SH3BGRL: variants seen among roughly 807,000 people sequenced by gnomAD.
The protein encoded by SH3BGRL is SH3 domain binding glutamate rich protein like.
SH3BGRL carries 7 observed loss-of-function variants against 9.8 expected under a neutral mutation model. The ratio of observed to expected loss-of-function variants is 0.72; its 90% CI spans 0.41 to 1.35. The LOEUF (loss-of-function observed/expected upper bound fraction) is 1.35, where lower values mean the gene tolerates loss of function less well. Among genes scored for constraint, SH3BGRL ranks in the 40% most tolerant of loss-of-function variants. The probability of loss-of-function intolerance (pLI) is 0.01; values close to 1 mark genes in which losing one functional copy is unlikely to be tolerated. For synonymous variants in SH3BGRL, 36 were observed against 29.1 expected (o/e 1.24, Z -0.76); for missense variants, 73 against 84.4 (o/e 0.86, Z 0.53).
At chrX:81,251,191 T>C (rs1413742536) in intron 1 of SH3BGRL, among the ~76,000 whole-genome samples, 1 of 112,274 alleles carries the variant, frequency 8.9e-6, no homozygotes. Flanking sequence ...AAATATATTT[T>C]GGATTTCAGT....
intron 1 of SH3BGRL, among the ~76,000 whole-genome samples, chrX:81,243,898 G>T (rs1203134560): frequency 9.0e-6 from 1 of 110,924 alleles, no homozygotes; most frequent in Admixed American, 9.6e-5. Context: ...TGTCTAATAG[G>T]TCAAATAGTC....
At chrX:81,215,090 A>G (rs945942352) in intron 1 of SH3BGRL, among the ~76,000 whole-genome samples, 2 of 110,816 alleles carry the variant, frequency 1.8e-5, no homozygotes, top group Non-Finnish European at 3.8e-5. Flanking sequence ...AAGATAAAGA[A>G]AGGAAAATGG....
At position 81,263,091 on chromosome X, in the gene SH3BGRL, G is replaced by GA. The variant is rs752216547; in HGVS notation, c.46-13892dup. Among the ~76,000 whole-genome samples the GA allele has an allele frequency of 7.4e-3, 830 of 111,569 alleles. 6 individuals carry two copies. The highest frequency in any genetic ancestry group is 0.011 in the Non-Finnish European group (603 of 53,041). ...TGGAGTGGCCACAGAGAACTTCACA[G>GA]AGTAGACCTGGAAGAATAGATTAGA... is the stretch of plus-strand genomic sequence containing the variant. On this transcript the variant is annotated intron_variant, in intron 1 of 3. Transcript: ENST00000373212.
rs2075880977 is a variant in SH3BGRL at position 81,297,882 on chromosome X, C to A, written c.*655C>A. ...CACGCACAAAAGCAATAGATTCATT[C>A]AGTGGACAAGTTCCTTGTTTAACTA... On this transcript the variant is annotated 3_prime_UTR_variant, in exon 4 of 4. Transcript: ENST00000373212. 9.0e-6 allele frequency: 1 copy of A among 111,663 alleles called. No individual in the cohort carries two copies. Among genetic ancestry groups the A allele is most frequent in the South Asian group, 3.7e-4 (1 of 2,698 alleles). 9.2% of individuals were successfully genotyped at this position (111,663 alleles called of 1,213,427 possible).
intron 1 of SH3BGRL, among the ~76,000 whole-genome samples, chrX:81,241,935 G>C (rs2075671404): frequency 8.9e-6 from 1 of 112,447 alleles, no homozygotes; most frequent in South Asian, 3.7e-4. Context: ...ATGCCTGGCT[G>C]GGCGCAGTGT....
In SH3BGRL at chrX:81,277,164, C is replaced by T. The variant is rs753066745; in HGVS notation, c.226C>T (p.Arg76Cys). The T allele has an allele frequency of 9.2e-6, 11 of 1,201,666 alleles. No individual in the cohort carries two copies. The highest frequency in any genetic ancestry group is 2.2e-5 in the Admixed American group (1 of 44,745). ...TCAGATTTTCAATGAAAGCCAGTAT[C>T]GCGGGGTAAGAAAACAATTTAAATT... ...PPQIFNESQY[R>C]GDYDAFFEAR... Residue 76 changes from arginine to cysteine, a missense_variant, in exon 2 of 4, where the codon CGC (arginine) becomes TGC (cysteine). Physicochemically the swap from Arg to Cys is radical, Grantham distance 180. Transcript: ENST00000373212.
intron 1 of SH3BGRL, among the ~76,000 whole-genome samples, chrX:81,241,336 T>C (rs1197471765): frequency 9.0e-6 from 1 of 111,454 alleles, no homozygotes; most frequent in Non-Finnish European, 1.9e-5. Flanking sequence ...GTCTCCGGGG[T>C]GGAAAGGGGT....
intron 1 of SH3BGRL, among the ~76,000 whole-genome samples, chrX:81,225,246 T>C (rs1367305062): frequency 9.0e-6 from 1 of 111,192 alleles, no homozygotes; most frequent in Non-Finnish European, 1.9e-5. Context: ...GGAATAACTG[T>C]TTTAGCATAG....
At position 81,269,379 on chromosome X, in the gene SH3BGRL, A is replaced by G. The variant is rs1342901691; in HGVS notation, c.46-7605A>G. 4.5e-5 allele frequency among the ~76,000 whole-genome samples: 5 copies of G among 111,551 alleles called. 1 individual carries two copies. The highest frequency in any genetic ancestry group is 3.8e-4 in the Admixed American group (4 of 10,517). ...CCAGTTGCTCCTTTCCAAGTTTAGT[A>G]ATTCCTTCAGGAGCTCTTTTAGGGC... On this transcript the variant is annotated intron_variant, in intron 1 of 3. Transcript: ENST00000373212.
At chrX:81,247,217 G>T (rs1251394082) in intron 1 of SH3BGRL, among the ~76,000 whole-genome samples, 2 of 111,984 alleles carry the variant, frequency 1.8e-5, no homozygotes, top group Non-Finnish European at 3.8e-5. Flanking sequence ...CTGGAAGAGT[G>T]TTTAGGGTTT....
chrX:81,280,727 G>C (rs2075814072), intron 3 of SH3BGRL, among the ~76,000 whole-genome samples: 1 of 111,653 alleles, frequency 9.0e-6, no homozygotes, highest in African/African-American at 3.3e-5. Flanking sequence ...GAAGGAACCA[G>C]AAAACCAACA....
At chrX:81,207,384 C>T (rs1341474969) in intron 1 of SH3BGRL, among the ~76,000 whole-genome samples, 1 of 112,124 alleles carries the variant, frequency 8.9e-6, no homozygotes, top group African/African-American at 3.2e-5. Flanking sequence ...TAATTTTTCT[C>T]TATGGTTGTA....
At chrX:81,233,589 T>C (rs1281858044) in intron 1 of SH3BGRL, among the ~76,000 whole-genome samples, 4 of 110,384 alleles carry the variant, frequency 3.6e-5, no homozygotes, top group Non-Finnish European at 7.6e-5. Flanking sequence ...GAAAAATAAG[T>C]AGGAGAAAAG....
chrX:81,251,470 G>A (rs1283822333), intron 1 of SH3BGRL, among the ~76,000 whole-genome samples: 1 of 109,061 alleles, frequency 9.2e-6, no homozygotes, highest in Non-Finnish European at 1.9e-5. Flanking sequence ...GTATAATATG[G>A]TGGTAAAGAT....
chrX:81,211,565 C>A (rs1408545525), intron 1 of SH3BGRL, among the ~76,000 whole-genome samples: 1 of 110,097 alleles, frequency 9.1e-6, no homozygotes, highest in Non-Finnish European at 1.9e-5. Context: ...CCAGCCTGGG[C>A]TACAGAGCGA....
At chrX:81,204,081 CT>C (rs1226845996) in intron 1 of SH3BGRL, among the ~76,000 whole-genome samples, 1 of 111,328 alleles carries the variant, frequency 9.0e-6, no homozygotes, top group African/African-American at 3.3e-5. Flanking sequence ...TTCTTCCCAT[CT>C]TTGTTGGACT....
chrX:81,231,375 A>G (rs1471086682), intron 1 of SH3BGRL, among the ~76,000 whole-genome samples: 2 of 112,592 alleles, frequency 1.8e-5, no homozygotes, highest in African/African-American at 6.4e-5. Context: ...TTTTTTAAAT[A>G]AAGAGAGTTG....
chrX:81,243,870 G>A (rs775670517), intron 1 of SH3BGRL, among the ~76,000 whole-genome samples: 1 of 111,169 alleles, frequency 9.0e-6, no homozygotes, highest in Non-Finnish European at 1.9e-5. Context: ...GGATTTAAGT[G>A]GTTTGTTTAC....
intron 3 of SH3BGRL, among the ~76,000 whole-genome samples, chrX:81,283,524 C>T (rs2075824630): frequency 8.9e-6 from 1 of 111,850 alleles, no homozygotes; most frequent in African/African-American, 3.2e-5. Flanking sequence ...ACACACAAGT[C>T]AATAAATGTG....
Sources: gnomAD v4.1 joint callset for allele counts (sites outside exome capture counted in the v4.1 genomes callset) on GRCh38, gnomAD v4.1.1 for gene constraint, MANE v1.5 for transcripts, NCBI Gene and HGNC (gene_info 2026-07-23, HGNC 2026-07-21) for gene names.